PCDHA2: variants seen among roughly 807,000 people sequenced by gnomAD.
PCDHA2 encodes the protein protocadherin alpha-2.
PCDHA2 carries 58 observed loss-of-function variants against 66.0 expected under a neutral mutation model. The observed-to-expected ratio is 0.88, with a 90% CI of 0.71 to 1.09. The LOEUF is 1.09. Ranked by LOEUF, PCDHA2 falls within the 50% of genes least tolerant of loss-of-function variation. The pLI is 0.00. For synonymous variants in PCDHA2, 634 were observed against 554.0 expected, an observed-to-expected ratio of 1.14 and a Z score of -2.03; for missense variants, 1,267 against 1,242.3, an observed-to-expected ratio of 1.02 and a Z score of -0.30.
chr5:140,929,517 A>G, intron 1 of PCDHA2: 1 of 761,634 alleles, frequency 1.3e-6, no homozygotes, highest in Non-Finnish European at 1.9e-6. Context: ...CAAGGGACTT[A>G]TAGTTTATTT....
At chr5:140,928,293 G>A (rs782241081) in intron 1 of PCDHA2, 1 of 1,614,150 alleles carries the variant, frequency 6.2e-7, no homozygotes, top group South Asian at 1.1e-5. Flanking sequence ...TAGGCCGAGT[G>A]TTTGCCCAGG....
chr5:140,854,159 CA>C (rs59855104), intron 1 of PCDHA2: 9,606 of 340,020 alleles, frequency 0.028, 6 homozygotes, highest in Non-Finnish European at 0.032. Context: ...GATTCTGTCT[CA>C]AAAAAAAAAA....
rs782039603 is a variant in PCDHA2 at position 140,876,722 on chromosome 5, G to A, written c.2388+79370G>A. 2.5e-6 allele frequency: 4 copies of A among 1,614,134 alleles called. No individual in the cohort carries two copies. In the Admixed American group the frequency reaches 5.0e-5, roughly 20 times the overall value. On this transcript the variant is annotated intron_variant, in intron 1 of 3. Coordinates refer to ENST00000526136, the MANE Select transcript of PCDHA2 (RefSeq NM_018905.3). ...CTGGACAGCGCCCTGGACCGCGAGA[G>A]CGTGTCGGCCTATGAGCTGGTGGTG...
At position 140,878,750 on chromosome 5, in the gene PCDHA2, T is replaced by A. The variant is rs143616284; in HGVS notation, c.2388+81398T>A. ...AGCCTTATATCTACTTTCTTACATATCTTTAGTTTAGGATCTGGAATATAG... is the reference window on the plus strand; with the variant it reads ...AGCCTTATATCTACTTTCTTACATAACTTTAGTTTAGGATCTGGAATATAG... On this transcript the variant is annotated intron_variant, in intron 1 of 3. Coordinates refer to ENST00000526136, the MANE Select transcript of PCDHA2 (RefSeq NM_018905.3). Among the ~76,000 whole-genome samples, 863 of 152,338 alleles carry A rather than the reference T, an allele frequency of 5.7e-3. 5 individuals are homozygous for A. Among genetic ancestry groups the A allele is most frequent in the Middle Eastern group, 0.014 (4 of 294 alleles).
chr5:140,884,020 G>C (rs61734917), intron 1 of PCDHA2: 236 of 1,613,292 alleles, frequency 1.5e-4, no homozygotes, highest in Non-Finnish European at 1.9e-4. Flanking sequence ...TGCCGCGGTC[G>C]GTGGGTGCAG....
intron 1 of PCDHA2, chr5:140,801,516 G>A: frequency 6.2e-7 from 1 of 1,614,228 alleles, no homozygotes. Flanking sequence ...CATCCACCTG[G>A]AGGTGATCGT....
intron 1 of PCDHA2, among the ~76,000 whole-genome samples, chr5:140,957,730 T>G (rs1044691694): frequency 6.6e-6 from 1 of 152,144 alleles, no homozygotes; most frequent in Non-Finnish European, 1.5e-5. Flanking sequence ...AGCAGAATTA[T>G]ATATACTGAC....
chr5:140,882,392 G>T (rs781850899), intron 1 of PCDHA2: 5 of 1,614,058 alleles, frequency 3.1e-6, no homozygotes, highest in Middle Eastern at 1.6e-4. Flanking sequence ...AGCAAAACAC[G>T]GCACCTTCGT....
intron 1 of PCDHA2, chr5:140,830,024 C>T (rs2150179853): frequency 6.2e-7 from 1 of 1,613,946 alleles, no homozygotes; most frequent in Admixed American, 1.7e-5. Context: ...CTCTCCGCGC[C>T]ACCGGCTGCT....
rs1554131961 is a variant in PCDHA2, at chr5:140,829,444, T to C, written c.2388+32092T>C. On this transcript the variant is annotated intron_variant, in intron 1 of 3. Coordinates refer to ENST00000526136, the MANE Select transcript of PCDHA2 (RefSeq NM_018905.3). Reference sequence around the variant, plus strand: ...TGGAGGTGGCCGACATGAATGACAATGCTCCGGCGTTCGCGCAGCCCGAGT... The same window carrying C: ...TGGAGGTGGCCGACATGAATGACAACGCTCCGGCGTTCGCGCAGCCCGAGT... 6.8e-6 allele frequency: 11 copies of C among 1,613,940 alleles called. No homozygotes were observed. The East Asian group carries it at 1.3e-4, about 20-fold the overall frequency.
chr5:140,842,051 C>A, intron 1 of PCDHA2: 1 of 1,613,852 alleles, frequency 6.2e-7, no homozygotes, highest in Non-Finnish European at 8.5e-7. Context: ...CACTTTCGAA[C>A]AGTCTGAATA....
At chr5:141,009,538 C>T (rs1159631714) in intron 3 of PCDHA2, 89 bp from the exon 4 acceptor site, 11 of 1,522,362 alleles carry the variant, frequency 7.2e-6, no homozygotes, top group African/African-American at 1.4e-5. Context: ...GTTCAGCCTG[C>T]CTATGCAGTA....
At chr5:140,810,445 C>G (rs1312251271) in intron 1 of PCDHA2, 2 of 152,190 alleles carry the variant, frequency 1.3e-5, no homozygotes, top group South Asian at 2.1e-4. Context: ...TGTTTACATT[C>G]CTAGTAGTGC....
chr5:140,985,683 G>A (rs926848363), intron 3 of PCDHA2, among the ~76,000 whole-genome samples: 3 of 151,224 alleles, frequency 2.0e-5, no homozygotes, highest in African/African-American at 7.3e-5. Context: ...CCTGCCTTAC[G>A]CTAATCCTCG....
At chr5:140,866,158 A>G (rs560063709) in intron 1 of PCDHA2, 1 of 152,270 alleles carries the variant, frequency 6.6e-6, no homozygotes, top group East Asian at 1.9e-4. Context: ...ATAAGTAAGA[A>G]TCGTTTAACA....
intron 1 of PCDHA2, chr5:140,807,885 T>C: frequency 6.2e-7 from 1 of 1,614,096 alleles, no homozygotes; most frequent in South Asian, 1.1e-5. Context: ...ATCACAGTAC[T>C]GGATGCCAAT....
At chr5:140,863,871 C>T (rs2048215005) in intron 1 of PCDHA2, 1 of 171,736 alleles carries the variant, frequency 5.8e-6, no homozygotes, top group East Asian at 1.5e-4. Context: ...TGTGGTGGTG[C>T]GCACCTGTAA....
At chr5:140,805,571 T>C in intron 1 of PCDHA2, 4 of 958,968 alleles carry the variant, frequency 4.2e-6, no homozygotes, top group African/African-American at 1.8e-5. Context: ...GGAAAGTTTT[T>C]AAATGGCTAC....
At chr5:140,941,334 T>C (rs1398027134) in intron 1 of PCDHA2, among the ~76,000 whole-genome samples, 2 of 133,354 alleles carry the variant, frequency 1.5e-5, no homozygotes, top group African/African-American at 5.5e-5. Flanking sequence ...TTTTTTTTTT[T>C]CAGATGGAGT....
Sources: allele counts gnomAD v4.1 joint callset (sites outside exome capture counted in the v4.1 genomes callset), GRCh38; gene constraint gnomAD v4.1.1; transcripts MANE v1.5; gene names NCBI Gene and HGNC (gene_info 2026-07-23, HGNC 2026-07-21).